CAMK2B: variants seen among roughly 807,000 people sequenced by gnomAD.
CAMK2B encodes calcium/calmodulin-dependent protein kinase type II subunit beta.
CAMK2B carries 27 observed loss-of-function variants against 93.7 expected under a neutral mutation model. That is an observed-to-expected ratio of 0.29 (90% confidence interval 0.21 to 0.40). The LOEUF (loss-of-function observed/expected upper bound fraction) is 0.40, where lower values mean the gene tolerates loss of function less well. Ranked by LOEUF, CAMK2B falls within the 10% of genes least tolerant of loss-of-function variation. CAMK2B has a pLI of 1.00. For missense variants in CAMK2B, 568 were observed against 895.8 expected (o/e 0.63, Z 4.67); for synonymous variants, 374 against 358.8 (o/e 1.04, Z -0.48).
rs116926045 is a variant in CAMK2B at position 44,257,523 on chromosome 7, C to T, written c.275+1349G>A. Reference sequence around the variant, plus strand: ...GGGCCCTGGATCGGACCACCCCCCACCCCACAGTCTCCATTTCCTGGGAAA... The same window carrying T: ...GGGCCCTGGATCGGACCACCCCCCATCCCACAGTCTCCATTTCCTGGGAAA... On this transcript the variant is annotated intron_variant, in intron 4 of 23. Transcript: ENST00000395749. Among the ~76,000 whole-genome samples the T allele has an allele frequency of 2.1e-3, 315 of 152,378 alleles. 4 individuals carry two copies. The East Asian group carries it at 0.029, about 14-fold the overall frequency.
rs376413992 is a variant in CAMK2B at position 44,228,140 on chromosome 7, T to A, written c.1468+656A>T. ...AAGAAGCTGTCAGGTAAGTGGCCCT[T>A]GAGGAACGCTGGACGGGGTTACAGG... On this transcript the variant is annotated intron_variant, in intron 19 of 23. Coordinates refer to ENST00000395749, the MANE Select transcript of CAMK2B (RefSeq NM_001220.5). Among the ~76,000 whole-genome samples the A allele has an allele frequency of 1.4e-3, 219 of 151,810 alleles. 1 individual carries two copies. Among genetic ancestry groups the A allele is most frequent in the African/African-American group, 5.0e-3 (206 of 41,368 alleles).
chr7:44,322,530 T>C (rs927960622), intron 1 of CAMK2B, among the ~76,000 whole-genome samples: 2 of 152,166 alleles, frequency 1.3e-5, no homozygotes, highest in African/African-American at 4.8e-5. Context: ...ATAAAAAAAA[T>C]AAAAACTGCA....
intron 1 of CAMK2B, among the ~76,000 whole-genome samples, chr7:44,314,847 C>A (rs921644258): frequency 2.0e-5 from 3 of 152,188 alleles, no homozygotes; most frequent in African/African-American, 7.2e-5. Flanking sequence ...ATGCCAAAAT[C>A]TTTTCATGTG....
intron 2 of CAMK2B, among the ~76,000 whole-genome samples, chr7:44,274,338 C>A (rs1300243633): frequency 6.6e-6 from 1 of 152,166 alleles, no homozygotes; most frequent in South Asian, 2.1e-4. Context: ...ACAACCAGGG[C>A]CCCCAGGACC....
intron 1 of CAMK2B, among the ~76,000 whole-genome samples, chr7:44,307,015 AAGAAGAGGGTGTGAGCAG>A (rs1791917828): frequency 1.4e-5 from 1 of 69,508 alleles, no homozygotes; most frequent in African/African-American, 5.8e-5. Context: ...TGTGAGCAGG[AAGAAGAGGGTGTGAGCAG>A]GGAGAGGAGG....
At chr7:44,247,061 G>T in intron 6 of CAMK2B, 59 bp downstream of exon 6, 1 of 1,405,686 alleles carries the variant, frequency 7.1e-7, no homozygotes, top group Non-Finnish European at 1.0e-6. Context: ...ACACTTCCTT[G>T]TACACAGCAT....
chr7:44,252,620 C>G (rs2096790978), intron 5 of CAMK2B, among the ~76,000 whole-genome samples: 1 of 151,980 alleles, frequency 6.6e-6, no homozygotes, highest in Non-Finnish European at 1.5e-5. Flanking sequence ...ATGGGAGGCT[C>G]TAGGAGGCCA....
chr7:44,280,157 G>A (rs1369348623), intron 2 of CAMK2B, among the ~76,000 whole-genome samples: 2 of 152,254 alleles, frequency 1.3e-5, no homozygotes, highest in East Asian at 3.8e-4. Flanking sequence ...AGAATGTGCA[G>A]AGGGGCCAGG....
intron 2 of CAMK2B, among the ~76,000 whole-genome samples, chr7:44,265,949 C>T (rs965054975): frequency 2.0e-5 from 3 of 152,268 alleles, no homozygotes; most frequent in African/African-American, 7.2e-5. Flanking sequence ...GAGTGCTTCA[C>T]TCTCGGTGGC....
Position 44,225,762 on chromosome 7 carries a change from C to T in CAMK2B, c.1597+754G>A. ...ACCCCACCTGTCCCTCAAGTACTTA[C>T]CTAGCCACTGCCCTGCCATGCCGAG... On this transcript the variant is annotated intron_variant, in intron 20 of 23. Transcript: ENST00000395749. The surrounding 1 kb of genome is among the most constrained non-coding windows in gnomAD (Gnocchi z 5.0). The T allele has an allele frequency of 7.8e-7, 1 of 1,289,500 alleles. No individual in the cohort carries two copies. The allele number at this position is 1,289,500 out of a possible 1,614,324, so 79.9% of individuals were successfully genotyped here.
intron 1 of CAMK2B, among the ~76,000 whole-genome samples, chr7:44,308,230 T>C (rs1298162498): frequency 6.6e-6 from 1 of 152,252 alleles, no homozygotes; most frequent in Admixed American, 6.5e-5. Flanking sequence ...GATGTGCAGA[T>C]GGCTAATTGC....
intron 2 of CAMK2B, among the ~76,000 whole-genome samples, chr7:44,270,074 AC>A (rs111791533): frequency 0.1 from 14,142 of 138,916 alleles, 736 homozygotes; most frequent in Non-Finnish European, 0.12. Context: ...TCAAGAACGT[AC>A]CCCCCCCCCA....
chr7:44,220,259 T>C lies in CAMK2B; in HGVS notation c.1804A>G (p.Ile602Val), dbSNP rs1413901078. 6.2e-7 allele frequency: 1 copy of C among 1,613,216 alleles called. No homozygotes were observed. The highest frequency in any genetic ancestry group is 1.1e-5 in the South Asian group (1 of 91,062). Residue 602 changes from isoleucine (I) to valine (V), a missense_variant, in exon 23 of 24, where the codon ATC (isoleucine) becomes GTC (valine). Physicochemically the swap from Ile to Val is conservative, Grantham distance 29. Coordinates refer to ENST00000395749, the MANE Select transcript of CAMK2B (RefSeq NM_001220.5). ...ATGACGTGCACGTGTGGGTTCAGGA[T>C]GGTCGTGTGGATCGGCTTGCTGTTC... ...AKNSKPIHTTILNPHVHVIGE... is the reference protein window; with the variant it reads ...AKNSKPIHTTVLNPHVHVIGE...
chr7:44,254,121 A>G (rs1056468130), intron 5 of CAMK2B, among the ~76,000 whole-genome samples: 1 of 152,124 alleles, frequency 6.6e-6, no homozygotes, highest in African/African-American at 2.4e-5. Context: ...CCCAGCTGAC[A>G]TCTGCCATCC....
intron 2 of CAMK2B, among the ~76,000 whole-genome samples, chr7:44,281,246 T>C (rs758708030): frequency 4.6e-5 from 7 of 152,244 alleles, no homozygotes; most frequent in Non-Finnish European, 1.0e-4. Flanking sequence ...AAGGCTGCAC[T>C]GGGCAGTGCC....
intron 2 of CAMK2B, among the ~76,000 whole-genome samples, chr7:44,264,937 C>A (rs2096910545): frequency 6.6e-6 from 1 of 152,184 alleles, no homozygotes; most frequent in Non-Finnish European, 1.5e-5. Context: ...GGGGTCCATG[C>A]ACAAGGCCTG....
intron 16 of CAMK2B, 106 bp downstream of exon 16, chr7:44,232,716 C>CT: frequency 1.0e-6 from 1 of 996,170 alleles, no homozygotes; most frequent in Non-Finnish European, 1.4e-6. Context: ...GCGGCCAGGG[C>CT]ATGGGACATC....
intron 1 of CAMK2B, among the ~76,000 whole-genome samples, chr7:44,294,719 C>T (rs1584716092): frequency 6.6e-6 from 1 of 152,192 alleles, no homozygotes; most frequent in African/African-American, 2.4e-5. Context: ...GGTGCCCTGG[C>T]CATGGCTTGG....
At chr7:44,279,711 C>A (rs879516608) in intron 2 of CAMK2B, among the ~76,000 whole-genome samples, 16 of 152,356 alleles carry the variant, frequency 1.1e-4, no homozygotes, top group Non-Finnish European at 2.1e-4. Context: ...GTCTCCAGGG[C>A]GCAGCCATCC....
Sources: gnomAD v4.1 joint callset for allele counts (sites outside exome capture counted in the v4.1 genomes callset) on GRCh38, gnomAD v4.1.1 for gene constraint, Gnocchi (gnomAD v3.1) non-coding constraint, MANE v1.5 for transcripts, NCBI Gene and HGNC (gene_info 2026-07-23, HGNC 2026-07-21) for gene names.